The following ANGPT4 variants were observed in gnomAD, a reference collection of about 807,000 sequenced individuals.
The protein encoded by ANGPT4 is angiopoietin 4, also known as angiopoietin-4.
ANGPT4 carries 50 observed loss-of-function variants against 53.0 expected under a neutral mutation model. That is an observed-to-expected ratio of 0.94 (90% CI 0.75 to 1.20). The LOEUF (loss-of-function observed/expected upper bound fraction) is 1.20. Among genes scored for constraint, ANGPT4 ranks in the 50% most tolerant of loss-of-function variants. The pLI, the probability that ANGPT4 is intolerant of heterozygous loss-of-function variation, is 0.00. For missense variants in ANGPT4, 648 were observed against 637.1 expected, an observed-to-expected ratio of 1.02 and a Z score of -0.18; for synonymous variants, 251 against 259.7, an observed-to-expected ratio of 0.97 and a Z score of 0.32.
chr20:905,712 C>T (rs73565229), intron 1 of ANGPT4, among the ~76,000 whole-genome samples: 3,317 of 152,262 alleles, frequency 0.022, 125 homozygotes, highest in African/African-American at 0.077. Flanking sequence ...TTTCCTTCCT[C>T]CAACCAACTC....
chr20:889,390 A>G (rs1199146420), intron 2 of ANGPT4, among the ~76,000 whole-genome samples: 2 of 152,234 alleles, frequency 1.3e-5, no homozygotes, highest in Non-Finnish European at 2.9e-5. Context: ...TACCTAGGCT[A>G]TATGAGACAG....
At position 878,307 on chromosome 20, in the gene ANGPT4, C is replaced by T. The variant is rs370137040; in HGVS notation, c.1074G>A (p.Gly358=). ...DYKQGFGDPA[G]EHWLGNEVVH... ...CCACTTCATTGCCCAGCCAGTGCTC[C>T]CCAGCTGGGTCTCCGAAGCCCTATA... The change falls in exon 7 of 9, where the codon GGG becomes GGA. Residue 358 remains glycine, a synonymous_variant. Coordinates refer to ENST00000381922, the MANE Select transcript of ANGPT4 (RefSeq NM_015985.4). 3 of 1,606,662 alleles carry T rather than the reference C, an allele frequency of 1.9e-6. No homozygotes were observed. The highest frequency in any genetic ancestry group is 1.3e-5 in the African/African-American group (1 of 74,796).
At chr20:909,141 G>T (rs114193907) in intron 1 of ANGPT4, among the ~76,000 whole-genome samples, 70 of 152,196 alleles carry the variant, frequency 4.6e-4, no homozygotes, top group African/African-American at 1.6e-3. Context: ...CCGTTTCCCC[G>T]CAATAAATGG....
chr20:878,143 C>T lies in ANGPT4; in HGVS notation c.1220+18G>A, dbSNP rs781480495. The T allele has an allele frequency of 8.2e-6, 13 of 1,576,592 alleles. No homozygotes were observed. The East Asian group carries it at 3.0e-4, about 36-fold the overall frequency. On this transcript the variant is annotated intron_variant, in intron 7 of 8. Transcript: ENST00000381922. ...CTGAAGACCCCAGCCCCCACAACGG[C>T]CTGGGCCCCGAACCCACCTGTATAG...
At position 908,795 on chromosome 20, in the gene ANGPT4, C is replaced by T. The variant is rs141610921; in HGVS notation, c.309+7111G>A. On this transcript the variant is annotated intron_variant, in intron 1 of 8. Coordinates refer to ENST00000381922, the MANE Select transcript of ANGPT4 (RefSeq NM_015985.4). This position sits in a 1 kb window ranked among gnomAD's most constrained non-coding sequence, Gnocchi z 4.9. ...TTTGTGTGTGGTGGGGGGCAGGAGT[C>T]GGGGGTTGCACATCTACACATAGTC... 6.0e-4 allele frequency among the ~76,000 whole-genome samples: 81 copies of T among 134,950 alleles called. 1 individual carries two copies. The highest frequency in any genetic ancestry group is 4.3e-3 in the Middle Eastern group (1 of 232). 88.5% of individuals were successfully genotyped at this position (134,950 alleles called of 152,430 possible).
chr20:873,501 C>T (rs1981034749), intron 8 of ANGPT4, among the ~76,000 whole-genome samples: 1 of 152,130 alleles, frequency 6.6e-6, no homozygotes, highest in African/African-American at 2.4e-5. Context: ...GTCTCTCACT[C>T]TCCAGGTTCA....
At chr20:889,178 C>T (rs1373042990) in intron 2 of ANGPT4, among the ~76,000 whole-genome samples, 1 of 151,962 alleles carries the variant, frequency 6.6e-6, no homozygotes, top group Non-Finnish European at 1.5e-5. Flanking sequence ...TCTCATCCCC[C>T]CCCACCACTC....
Position 915,804 on chromosome 20 carries a change from C to T in ANGPT4, c.309+102G>A, listed in dbSNP as rs905340477. On this transcript the variant is annotated intron_variant, in intron 1 of 8. Transcript: ENST00000381922. Reference sequence around the variant, plus strand: ...CTCTTTGTGCAGCTCAGAGACAGCCCTCTGTGCTCAGGGAAGGCCTCTTGG... The same window carrying T: ...CTCTTTGTGCAGCTCAGAGACAGCCTTCTGTGCTCAGGGAAGGCCTCTTGG... 15 of 1,392,144 alleles carry T rather than the reference C, an allele frequency of 1.1e-5. No homozygotes were observed. In the African/African-American group the frequency reaches 2.0e-4, roughly 19 times the overall value. The allele number at this position is 1,392,144 out of a possible 1,614,324, so 86.2% of individuals were successfully genotyped here.
intron 1 of ANGPT4, among the ~76,000 whole-genome samples, chr20:904,696 G>A (rs1457050330): frequency 1.3e-5 from 2 of 152,134 alleles, no homozygotes; most frequent in African/African-American, 4.8e-5. Flanking sequence ...GTGTGATCAT[G>A]GCTCACTGCA....
chr20:901,260 A>C (rs2122844535), intron 1 of ANGPT4, among the ~76,000 whole-genome samples: 1 of 152,310 alleles, frequency 6.6e-6, no homozygotes, highest in Admixed American at 6.5e-5. Context: ...GCACGTGTAC[A>C]TCCAGATGGC....
chr20:899,521 G>A (rs1004416712), intron 1 of ANGPT4, among the ~76,000 whole-genome samples: 19 of 152,028 alleles, frequency 1.2e-4, no homozygotes, highest in Non-Finnish European at 2.9e-5. Context: ...CCAAAGTGCT[G>A]GGATTACAGG....
At chr20:875,140 C>T (rs779368698) in intron 7 of ANGPT4, among the ~76,000 whole-genome samples, 4 of 152,090 alleles carry the variant, frequency 2.6e-5, no homozygotes, top group South Asian at 2.1e-4. Flanking sequence ...TTTACACATG[C>T]GAAAACAGAA....
At chr20:874,468 C>G (rs751623250) in intron 7 of ANGPT4, 54 bp from the exon 8 acceptor site, 44 of 1,600,666 alleles carry the variant, frequency 2.7e-5, no homozygotes, top group Non-Finnish European at 3.7e-5. Flanking sequence ...CAGGTTGGGG[C>G]TGTGTCGAGC....
Position 881,255 on chromosome 20 carries a change from C to T in ANGPT4, c.867G>A (p.Gln289=), listed in dbSNP as rs1266309259. 1 of 1,614,068 alleles carries T rather than the reference C, an allele frequency of 6.2e-7. No homozygotes were observed. Among genetic ancestry groups the T allele is most frequent in the Non-Finnish European group, 8.5e-7 (1 of 1,180,034 alleles). ...CAGAGCGCTGGATCTCTGCACAGTC[C>T]TGGAACACCTGCTCACCTGCCATTA... ...AFIMAGEQVF[Q]DCAEIQRSGA... is the part of the protein sequence containing the mutation. The change falls in exon 5 of 9, where the codon CAG becomes CAA. Residue 289 remains glutamine (Q), a synonymous_variant. Transcript: ENST00000381922.
intron 1 of ANGPT4, among the ~76,000 whole-genome samples, chr20:903,336 A>G (rs977941394): frequency 6.6e-6 from 1 of 152,140 alleles, no homozygotes; most frequent in African/African-American, 2.4e-5. Flanking sequence ...CACATCCTGC[A>G]TCCAATCTGT....
In ANGPT4 at chr20:874,300, G is replaced by C. The variant is rs753412056; in HGVS notation, c.1335C>G (p.Ala445=). 2 of 1,614,174 alleles carry C rather than the reference G, an allele frequency of 1.2e-6. No individual in the cohort carries two copies. Among genetic ancestry groups the C allele is most frequent in the Non-Finnish European group, 1.7e-6 (2 of 1,180,022 alleles). The change falls in exon 8 of 9, where the codon GCC becomes GCG. Residue 445 remains alanine, a synonymous_variant. Coordinates refer to ENST00000381922, the MANE Select transcript of ANGPT4 (RefSeq NM_015985.4). ...TGCACCTACCTCCAGACATCACTTG[G>C]GCACACTTGCAGAGACAGTGGTCGT... is the stretch of plus-strand genomic sequence containing the variant. ...SDNDHCLCKC[A]QVMSGGWWFD...
intron 4 of ANGPT4, among the ~76,000 whole-genome samples, chr20:884,233 C>G (rs775357573): frequency 1.3e-4 from 20 of 152,242 alleles, no homozygotes; most frequent in Non-Finnish European, 2.1e-4. Context: ...AGCCTTTGGA[C>G]CTGTCTATTT....
intron 1 of ANGPT4, among the ~76,000 whole-genome samples, chr20:897,222 G>A (rs1262585416): frequency 6.6e-6 from 1 of 152,184 alleles, no homozygotes; most frequent in African/African-American, 2.4e-5. Flanking sequence ...ACATGGACGT[G>A]CATGATATTT....
chr20:895,750 T>C (rs1179873894), intron 1 of ANGPT4, among the ~76,000 whole-genome samples: 2 of 152,174 alleles, frequency 1.3e-5, no homozygotes, highest in Admixed American at 6.5e-5. Flanking sequence ...GAAAGAACCA[T>C]TGATGTGTGC....
Sources: gnomAD v4.1 joint callset for allele counts (sites outside exome capture counted in the v4.1 genomes callset) on GRCh38, gnomAD v4.1.1 for gene constraint, Gnocchi (gnomAD v3.1) non-coding constraint, MANE v1.5 for transcripts, NCBI Gene and HGNC (gene_info 2026-07-23, HGNC 2026-07-21) for gene names.